ST6GALNAC6: variants seen among roughly 807,000 people sequenced by gnomAD.
ST6GALNAC6 encodes the protein ST6 N-acetylgalactosaminide alpha-2,6-sialyltransferase 6.
A neutral mutation model predicts 34.3 loss-of-function variants in ST6GALNAC6; 19 were observed. That is an observed-to-expected ratio of 0.55 (90% CI 0.39 to 0.81). The LOEUF (loss-of-function observed/expected upper bound fraction) is 0.81. ST6GALNAC6 is among the 40% of genes least tolerant of loss of function. ST6GALNAC6 has a pLI of 0.00. For missense variants in ST6GALNAC6, 377 were observed against 467.7 expected (o/e 0.81, Z 1.79); for synonymous variants, 185 against 182.1 (o/e 1.02, Z -0.13).
At chr9:127,902,439 T>C (rs1164646173), upstream of ST6GALNAC6, among the ~76,000 whole-genome samples, 2 of 151,624 alleles carry the variant, frequency 1.3e-5, no homozygotes, top group Admixed American at 1.3e-4. Context: ...GGATTACAGG[T>C]GTGAGGCACT....
chr9:127,904,049 C>T (rs1830848477), upstream of ST6GALNAC6: 1 of 152,196 alleles, frequency 6.6e-6, no homozygotes, highest in Admixed American at 6.5e-5. Flanking sequence ...ACGACAGCAA[C>T]CATCTCAATA....
intron 5 of ST6GALNAC6, among the ~76,000 whole-genome samples, chr9:127,889,850 G>T (rs1389140119): frequency 1.3e-5 from 2 of 152,126 alleles, no homozygotes; most frequent in South Asian, 4.1e-4. Flanking sequence ...AAATATTTAG[G>T]TATAAATCTA....
upstream of ST6GALNAC6, chr9:127,906,028 C>A (rs184921960): frequency 4.1e-4 from 400 of 985,590 alleles, 1 homozygote; most frequent in African/African-American, 6.0e-3. Flanking sequence ...TCTCCTCCCC[C>A]CTCCCATTCC....
Position 127,886,494 on chromosome 9 carries a change from G to T in ST6GALNAC6, c.*105C>A. 1 of 1,511,904 alleles carries T rather than the reference G, an allele frequency of 6.6e-7. No individual in the cohort carries two copies. 93.7% of individuals were successfully genotyped at this position (1,511,904 alleles called of 1,614,324 possible). A position where few individuals can be genotyped will look rare whatever the true frequency, so the allele number is the denominator to read the frequency against. On this transcript the variant is annotated 3_prime_UTR_variant, in exon 7 of 7. Transcript: ENST00000373146. ...TCCTCAAGGCCCTGATTGGCTGGGA[G>T]ACACTCCAGCAAGCCTTGATTGGCC...
At chr9:127,888,002 T>C (rs960388618) in intron 5 of ST6GALNAC6, among the ~76,000 whole-genome samples, 3 of 152,156 alleles carry the variant, frequency 2.0e-5, no homozygotes, top group African/African-American at 7.2e-5. Flanking sequence ...GAGCAAGGCC[T>C]GAAGGAGTAG....
In ST6GALNAC6 at chr9:127,891,062, C is replaced by A. The variant is rs1287360243; in HGVS notation, c.298-19G>T. The A allele has an allele frequency of 6.2e-7, 1 of 1,611,350 alleles. No individual in the cohort carries two copies. Among genetic ancestry groups the A allele is most frequent in the African/African-American group, 1.3e-5 (1 of 74,996 alleles). ...GCAGTGTCTGGTGGATAAGGAAAGTCAACATTATCACGGCCACTCTGTGCT... is the reference window on the plus strand; with the variant it reads ...GCAGTGTCTGGTGGATAAGGAAAGTAAACATTATCACGGCCACTCTGTGCT... On this transcript the variant is annotated intron_variant, in intron 4 of 6. Coordinates refer to ENST00000373146, the MANE Select transcript of ST6GALNAC6 (RefSeq NM_013443.5).
chr9:127,896,250 TA>T lies in ST6GALNAC6; in HGVS notation c.108del (p.Ser36ArgfsTer12). On this transcript the variant is annotated frameshift_variant, in exon 3 of 7. Transcript: ENST00000373146. LOFTEE classifies it high-confidence loss of function. Reference protein sequence around the residue: ...LPLSRRRREMSSNKEQRSAVF... With the variant: ...LPLSRRRREMXSNKEQRSAVF... ...AATGAAGGCAGACTTACTTTGTTGCTACTCATTTCTCTCCGGCGTCTGCTGA... is the reference window on the plus strand; with the variant it reads ...AATGAAGGCAGACTTACTTTGTTGCTCTCATTTCTCTCCGGCGTCTGCTGA... 1 of 1,614,156 alleles carries T rather than the reference TA, an allele frequency of 6.2e-7. No individual in the cohort carries two copies.
chr9:127,897,124 G>A (rs1336617017), intron 2 of ST6GALNAC6: 19 of 966,886 alleles, frequency 2.0e-5, no homozygotes, highest in Non-Finnish European at 2.2e-5. Flanking sequence ...CAGTGAGGAG[G>A]CCGGCCCAGC....
chr9:127,902,245 G>A (rs1830782802), upstream of ST6GALNAC6, among the ~76,000 whole-genome samples: 2 of 152,190 alleles, frequency 1.3e-5, no homozygotes, highest in South Asian at 4.1e-4. Flanking sequence ...TGCAAGCTCC[G>A]CCTCCTGGGT....
rs144578322 is a variant in ST6GALNAC6 at position 127,885,746 on chromosome 9, T to C, written c.*853A>G. 2 of 152,226 alleles carry C rather than the reference T, an allele frequency of 1.3e-5. No individual in the cohort carries two copies. Among genetic ancestry groups the C allele is most frequent in the African/African-American group, 4.8e-5 (2 of 41,456 alleles). 9.4% of individuals were successfully genotyped at this position (152,226 alleles called of 1,614,324 possible). On this transcript the variant is annotated 3_prime_UTR_variant, in exon 7 of 7. Transcript: ENST00000373146. The stretch of plus-strand genomic sequence containing the variant: ...CTTTAAGAGCCAAGCTAATGGCAGC[T>C]GGCTGAGGGGCTAAGAAAACAGCTT...
chr9:127,905,141 C>A (rs1830884862), intron 1 of ST6GALNAC6: 3 of 891,174 alleles, frequency 3.4e-6, no homozygotes, highest in South Asian at 1.0e-4. Context: ...AAAACAGAGG[C>A]CCAAAGAGTG....
At chr9:127,896,394 T>C in intron 2 of ST6GALNAC6, 62 bp from the exon 3 acceptor site, 1 of 1,418,638 alleles carries the variant, frequency 7.0e-7, no homozygotes, top group Non-Finnish European at 9.7e-7. Flanking sequence ...AGCCAAAGGC[T>C]ACACCTTCTC....
chr9:127,894,920 G>C (rs1830360451), intron 3 of ST6GALNAC6, among the ~76,000 whole-genome samples: 1 of 152,174 alleles, frequency 6.6e-6, no homozygotes, highest in Non-Finnish European at 1.5e-5. Flanking sequence ...TCTGGGACTA[G>C]GTCAGCCTTG....
chr9:127,893,227 C>T (rs1291358410), intron 4 of ST6GALNAC6, among the ~76,000 whole-genome samples: 1 of 152,176 alleles, frequency 6.6e-6, no homozygotes, highest in Non-Finnish European at 1.5e-5. Flanking sequence ...AAAAGAAGGC[C>T]ATTCAGTTGG....
chr9:127,896,116 C>T (rs574574484), intron 3 of ST6GALNAC6, 126 bp downstream of exon 3: 2 of 1,126,982 alleles, frequency 1.8e-6, no homozygotes, highest in African/African-American at 1.5e-5. Flanking sequence ...GCCTCCCAGG[C>T]ATGGGCAGCT....
At chr9:127,887,640 G>C in intron 5 of ST6GALNAC6, 49 bp from the exon 6 acceptor site, 1 of 1,500,988 alleles carries the variant, frequency 6.7e-7, no homozygotes, top group Non-Finnish European at 9.2e-7. Context: ...GGAGAGATGG[G>C]AGCAGGTGAC....
chr9:127,896,306 C>A lies in ST6GALNAC6; in HGVS notation c.53G>T (p.Gly18Val). ...TAGGTGTCGGCGTCCTGCAGGTGGC[C>A]CTGGGGGCAGGGATGTGGGTTCACA... ...SQCEPTSLPP[G>V]PPAGRRHLPL... Residue 18 changes from glycine to valine, a missense_variant, in exon 3 of 7, where the codon GGG becomes GTG. Coordinates refer to ENST00000373146, the MANE Select transcript of ST6GALNAC6 (RefSeq NM_013443.5). 2 of 1,613,676 alleles carry A rather than the reference C, an allele frequency of 1.2e-6. No homozygotes were observed. Among genetic ancestry groups the A allele is most frequent in the Non-Finnish European group, 1.7e-6 (2 of 1,179,814 alleles).
intron 6 of ST6GALNAC6, 62 bp downstream of exon 6, chr9:127,887,422 G>T: frequency 2.1e-6 from 3 of 1,418,290 alleles, no homozygotes; most frequent in East Asian, 2.4e-5. Context: ...AGCCCCTAGA[G>T]CTCCATCCTG....
chr9:127,887,366 A>C lies in ST6GALNAC6; in HGVS notation c.812+118T>G. 7 of 738,344 alleles carry C rather than the reference A, an allele frequency of 9.5e-6. No homozygotes were observed. In the South Asian group the frequency reaches 1.2e-4, roughly 12 times the overall value. The allele number at this position is 738,344 out of a possible 1,614,324, so 45.7% of individuals were successfully genotyped here. A position where few individuals can be genotyped will look rare whatever the true frequency, so the allele number is the denominator to read the frequency against. On this transcript the variant is annotated intron_variant, in intron 6 of 6. Coordinates refer to ENST00000373146, the MANE Select transcript of ST6GALNAC6 (RefSeq NM_013443.5). ...CTAGATCTCTGAAGAACAGTTTGAAAACAATGAAGCAGAGGCCCTCAAAGG... is the reference window on the plus strand; with the variant it reads ...CTAGATCTCTGAAGAACAGTTTGAACACAATGAAGCAGAGGCCCTCAAAGG...
Sources: gnomAD v4.1 joint callset for allele counts (sites outside exome capture counted in the v4.1 genomes callset) on GRCh38, gnomAD v4.1.1 for gene constraint, MANE v1.5 for transcripts, NCBI Gene and HGNC (gene_info 2026-07-23, HGNC 2026-07-21) for gene names.